SORCS3: variants seen among roughly 807,000 people sequenced by gnomAD.
The protein encoded by SORCS3 is VPS10 domain-containing receptor SorCS3.
In SORCS3, 57 loss-of-function variants were observed where a neutral mutation model predicts 146.3. The ratio of observed to expected loss-of-function variants is 0.39; its 90% CI spans 0.31 to 0.49. The LOEUF is 0.49. Among genes scored for constraint, SORCS3 ranks in the 20% least tolerant of loss-of-function variants. The probability of loss-of-function intolerance (pLI) is 0.92; values close to 1 mark genes in which losing one functional copy is unlikely to be tolerated. For synonymous variants in SORCS3, 653 were observed against 618.5 expected (o/e 1.06, Z -0.83); for missense variants, 1,341 against 1,575.5 (o/e 0.85, Z 2.52).
intron 23 of SORCS3, among the ~76,000 whole-genome samples, chr10:105,253,820 A>C (rs1004427222): frequency 6.6e-6 from 1 of 152,230 alleles, no homozygotes; most frequent in Non-Finnish European, 1.5e-5. Context: ...AATTTCTTGC[A>C]TTGCAGGGTT....
intron 13 of SORCS3, among the ~76,000 whole-genome samples, chr10:105,168,963 T>G (rs1316741298): frequency 6.6e-6 from 1 of 152,184 alleles, no homozygotes; most frequent in African/African-American, 2.4e-5. Context: ...ACTACTGATT[T>G]ATATAGTTTT....
At chr10:105,206,694 G>A (rs998449122) in intron 16 of SORCS3, among the ~76,000 whole-genome samples, 3 of 152,198 alleles carry the variant, frequency 2.0e-5, no homozygotes, top group African/African-American at 7.2e-5. Context: ...GGATATAATT[G>A]TAATTTTTCT....
intron 2 of SORCS3, among the ~76,000 whole-genome samples, chr10:104,883,612 G>T (rs370258019): frequency 6.6e-6 from 1 of 152,184 alleles, no homozygotes; most frequent in African/African-American, 2.4e-5. Context: ...TAGGGATACC[G>T]CTCAAAGCAG....
chr10:104,987,335 C>T (rs985597545), intron 4 of SORCS3, among the ~76,000 whole-genome samples: 6 of 151,962 alleles, frequency 3.9e-5, no homozygotes, highest in African/African-American at 1.2e-4. Flanking sequence ...TTTTTGCATA[C>T]CATTTCTTTT....
chr10:104,865,163 G>T (rs1011030580), intron 2 of SORCS3, among the ~76,000 whole-genome samples: 1 of 152,176 alleles, frequency 6.6e-6, no homozygotes, highest in Non-Finnish European at 1.5e-5. Context: ...AGAAGGGATT[G>T]TGTTTTTCTC....
At chr10:105,207,644 G>A (rs1362678138) in intron 16 of SORCS3, among the ~76,000 whole-genome samples, 5 of 152,182 alleles carry the variant, frequency 3.3e-5, no homozygotes, top group African/African-American at 1.2e-4. Flanking sequence ...AGGAGATTGA[G>A]CTGTATGAGA....
At chr10:105,171,439 G>A (rs536260460) in intron 13 of SORCS3, among the ~76,000 whole-genome samples, 50 of 152,306 alleles carry the variant, frequency 3.3e-4, no homozygotes, top group Admixed American at 2.2e-3. Context: ...CTAATGGGCA[G>A]GTAGACGAGG....
intron 3 of SORCS3, among the ~76,000 whole-genome samples, chr10:104,962,904 C>A (rs1208834594): frequency 6.6e-6 from 1 of 152,166 alleles, no homozygotes; most frequent in Non-Finnish European, 1.5e-5. Context: ...GAAATATAAG[C>A]AATGTTTAAC....
At chr10:105,067,391 G>T (rs2055529286) in intron 5 of SORCS3, among the ~76,000 whole-genome samples, 1 of 152,178 alleles carries the variant, frequency 6.6e-6, no homozygotes, top group Admixed American at 6.5e-5. Context: ...GCCAGATGTG[G>T]TGGCAGGCGC....
At chr10:104,814,673 T>A (rs2017777388) in intron 1 of SORCS3, among the ~76,000 whole-genome samples, 1 of 152,180 alleles carries the variant, frequency 6.6e-6, no homozygotes. Context: ...TGTTTACACA[T>A]CTAACTGACT....
intron 1 of SORCS3, among the ~76,000 whole-genome samples, chr10:104,708,568 G>A (rs1225011484): frequency 2.0e-5 from 3 of 152,156 alleles, no homozygotes; most frequent in Non-Finnish European, 4.4e-5. Context: ...AACTTGTTTG[G>A]TGCATATAGC....
At chr10:104,965,114 T>C (rs1019681464) in intron 3 of SORCS3, among the ~76,000 whole-genome samples, 1 of 152,240 alleles carries the variant, frequency 6.6e-6, no homozygotes, top group Non-Finnish European at 1.5e-5. Context: ...ATTCATTCAT[T>C]GATAGACACT....
At chr10:104,958,662 A>C (rs1463042103) in intron 3 of SORCS3, among the ~76,000 whole-genome samples, 1 of 152,194 alleles carries the variant, frequency 6.6e-6, no homozygotes, top group Non-Finnish European at 1.5e-5. Context: ...GGCAAAGAAA[A>C]CAGATCCTCC....
intron 12 of SORCS3, among the ~76,000 whole-genome samples, chr10:105,165,831 G>A (rs1437398216): frequency 6.6e-6 from 1 of 152,064 alleles, no homozygotes; most frequent in Non-Finnish European, 1.5e-5. Context: ...AACAGCTAAG[G>A]AATCCACTTT....
chr10:104,673,129 AGT>A (rs1184300251), intron 1 of SORCS3, among the ~76,000 whole-genome samples: 2 of 152,000 alleles, frequency 1.3e-5, no homozygotes, highest in African/African-American at 4.8e-5. Context: ...TTTGACTTCC[AGT>A]GTGTTTGCAT....
intron 1 of SORCS3, among the ~76,000 whole-genome samples, chr10:104,725,817 C>G (rs1328471184): frequency 6.6e-6 from 1 of 152,222 alleles, no homozygotes; most frequent in Admixed American, 6.5e-5. Flanking sequence ...TTGCTAAGAC[C>G]TTTGGAAAAG....
chr10:104,783,273 C>G (rs2133493808), intron 1 of SORCS3, among the ~76,000 whole-genome samples: 1 of 152,290 alleles, frequency 6.6e-6, no homozygotes, highest in South Asian at 2.1e-4. Context: ...AGTGCTTTTG[C>G]TGTTTCCTGT....
At chr10:104,832,278 C>A (rs2018009448) in intron 1 of SORCS3, among the ~76,000 whole-genome samples, 2 of 152,132 alleles carry the variant, frequency 1.3e-5, no homozygotes, top group African/African-American at 4.8e-5. Context: ...TTCTCTTTGT[C>A]CTCATTATAA....
chr10:104,757,956 C>A (rs1317345911), intron 1 of SORCS3, among the ~76,000 whole-genome samples: 1 of 147,826 alleles, frequency 6.8e-6, no homozygotes, highest in African/African-American at 2.5e-5. Flanking sequence ...TGATTGTATT[C>A]TTGGCTGTAG....
Sources: allele counts gnomAD v4.1 joint callset (sites outside exome capture counted in the v4.1 genomes callset), GRCh38; gene constraint gnomAD v4.1.1; transcripts MANE v1.5; gene names NCBI Gene and HGNC (gene_info 2026-07-23, HGNC 2026-07-21).